The following RACGAP1 variants were observed in gnomAD, a reference collection of about 807,000 sequenced individuals.
The protein encoded by RACGAP1 is Rac GTPase activating protein 1, also known as rac GTPase-activating protein 1.
RACGAP1 carries 30 observed loss-of-function variants against 78.1 expected under a neutral mutation model. The observed-to-expected ratio is 0.38, with a 90% CI of 0.29 to 0.52. The LOEUF (loss-of-function observed/expected upper bound fraction) is 0.52, where lower values mean the gene tolerates loss of function less well. Ranked by LOEUF, RACGAP1 falls within the 20% of genes least tolerant of loss-of-function variation. The probability of loss-of-function intolerance (pLI) is 0.82; values close to 1 mark genes in which losing one functional copy is unlikely to be tolerated. For synonymous variants in RACGAP1, 231 were observed against 264.8 expected (o/e 0.87, Z 1.24); for missense variants, 587 against 777.1 (o/e 0.76, Z 2.91).
intron 2 of RACGAP1, among the ~76,000 whole-genome samples, chr12:50,015,104 T>G (rs1171649456): frequency 6.7e-6 from 1 of 149,574 alleles, no homozygotes; most frequent in African/African-American, 2.5e-5. Flanking sequence ...GGTCTCAAAC[T>G]CCTGGACTCA....
intron 1 of RACGAP1, 177 bp downstream of exon 1, chr12:50,025,221 C>T (rs1258651738): frequency 3.6e-6 from 3 of 837,022 alleles, no homozygotes; most frequent in Non-Finnish European, 4.3e-6. Context: ...CGCGTCCATT[C>T]GACCTGCCAC....
chr12:50,011,346 A>AG (rs1335330810), intron 2 of RACGAP1, among the ~76,000 whole-genome samples: 8 of 151,858 alleles, frequency 5.3e-5, no homozygotes, highest in Non-Finnish European at 8.8e-5. Flanking sequence ...AAAAAAAAAA[A>AG]AAAAGAAAAA....
chr12:50,030,260 G>T (rs1468986738), upstream of RACGAP1, among the ~76,000 whole-genome samples: 1 of 149,858 alleles, frequency 6.7e-6, no homozygotes, highest in Non-Finnish European at 1.5e-5. Flanking sequence ...GAGGCAGGAG[G>T]ATCACTTGAG....
intron 8 of RACGAP1, 95 bp from the exon 9 acceptor site, chr12:49,999,366 G>T: frequency 1.4e-6 from 2 of 1,449,164 alleles, no homozygotes; most frequent in Non-Finnish European, 1.9e-6. Context: ...ACAGTAATCT[G>T]TTATCATAGC....
chr12:50,030,780 T>G (rs1950325506), intron 2 of RACGAP1, among the ~76,000 whole-genome samples: 1 of 150,722 alleles, frequency 6.6e-6, no homozygotes, highest in African/African-American at 2.4e-5. Flanking sequence ...TTTATGTCTT[T>G]TGTGTGTGTG....
intron 10 of RACGAP1, 132 bp from the exon 11 acceptor site, chr12:49,994,641 C>A: frequency 7.3e-7 from 1 of 1,367,224 alleles, no homozygotes; most frequent in Admixed American, 2.8e-5. Flanking sequence ...TTCCTATTCC[C>A]AAAGCATATA....
At chr12:50,000,248 C>T (rs1279048376) in intron 7 of RACGAP1, among the ~76,000 whole-genome samples, 2 of 151,874 alleles carry the variant, frequency 1.3e-5, no homozygotes, top group Admixed American at 6.6e-5. Flanking sequence ...CTCCTGACCT[C>T]GTGATCCACC....
At chr12:49,990,621 A>C in intron 16 of RACGAP1, 63 bp downstream of exon 16, 1 of 1,324,114 alleles carries the variant, frequency 7.6e-7, no homozygotes, top group East Asian at 2.3e-5. Flanking sequence ...ATAAGCTTCA[A>C]TATAATAAGA....
chr12:49,991,457 TTA>T (rs59257280), intron 15 of RACGAP1, among the ~76,000 whole-genome samples: 927 of 27,402 alleles, frequency 0.034, 63 homozygotes, highest in Middle Eastern at 0.094. Flanking sequence ...ATTTAAACTA[TTA>T]TATATATATA....
At chr12:50,016,266 C>T (rs1329949651) in intron 2 of RACGAP1, among the ~76,000 whole-genome samples, 1 of 152,000 alleles carries the variant, frequency 6.6e-6, no homozygotes, top group East Asian at 1.9e-4. Context: ...GTCTGTAATC[C>T]CTGCTACTCG....
Position 49,999,381 on chromosome 12 carries a change from AG to A in RACGAP1, c.749-111del, listed in dbSNP as rs878897517. ...ACAGTAATCTGTTATCATAGCCAAAAGTGAGAACTAATGGCTATGTAAAAAA... is the reference window on the plus strand; with the variant it reads ...ACAGTAATCTGTTATCATAGCCAAAATGAGAACTAATGGCTATGTAAAAAA... On this transcript the variant is annotated intron_variant, in intron 8 of 16. Coordinates refer to ENST00000312377, the MANE Select transcript of RACGAP1 (RefSeq NM_001319999.2). The A allele has an allele frequency of 6.6e-5, 89 of 1,358,690 alleles. 1 individual carries two copies. The South Asian group carries it at 1.2e-3, about 18-fold the overall frequency. The allele number at this position is 1,358,690 out of a possible 1,614,324, so 84.2% of individuals were successfully genotyped here.
upstream of RACGAP1, among the ~76,000 whole-genome samples, chr12:50,026,349 T>TA (rs59207359): frequency 6.0e-4 from 85 of 142,500 alleles, no homozygotes; most frequent in East Asian, 8.0e-4. Context: ...GTCCTTAATT[T>TA]AAAAAAAAAA....
chr12:49,992,268 G>C lies in RACGAP1; in HGVS notation c.1555C>G (p.Gln519Glu), dbSNP rs1276712121. 6.2e-7 allele frequency: 1 copy of C among 1,613,996 alleles called. No individual in the cohort carries two copies. The highest frequency in any genetic ancestry group is 2.2e-5 in the East Asian group (1 of 44,890). Residue 519 changes from glutamine (Q) to glutamate (E), a missense_variant, in exon 14 of 17, where the codon CAG (glutamine) becomes GAG (glutamate). Transcript: ENST00000312377. The part of the protein sequence containing the change: ...VPNPDPVTML[Q>E]DIKRQPKVVE... ...ACCTTGGGTTGACGCTTGATGTCCT[G>C]TAACATTGTCACTGGGTCTGGATTG...
intron 10 of RACGAP1, among the ~76,000 whole-genome samples, chr12:49,996,107 T>C (rs1340555997): frequency 4.9e-5 from 7 of 144,278 alleles, no homozygotes; most frequent in South Asian, 2.2e-4. Flanking sequence ...AGGTCAGGAG[T>C]TCAAGACCAG....
intron 9 of RACGAP1, among the ~76,000 whole-genome samples, chr12:49,997,784 G>T (rs954015120): frequency 4.0e-5 from 6 of 150,824 alleles, no homozygotes; most frequent in African/African-American, 1.5e-4. Context: ...CTCCATGTTG[G>T]TCAGGCTGGT....
intron 7 of RACGAP1, among the ~76,000 whole-genome samples, chr12:50,000,727 T>A (rs11832146): frequency 6.6e-6 from 1 of 152,120 alleles, no homozygotes; most frequent in African/African-American, 2.4e-5. Flanking sequence ...ATTCCATTCA[T>A]AGGGATAAGG....
chr12:50,006,563 T>C lies in RACGAP1; in HGVS notation c.159A>G (p.Lys53=). 6.2e-7 allele frequency: 1 copy of C among 1,614,194 alleles called. No individual in the cohort carries two copies. Among genetic ancestry groups the C allele is most frequent in the Non-Finnish European group, 8.5e-7 (1 of 1,180,026 alleles). ...KWQRTDHELG[K]YKDLLMKAET... ...CTGCTTTCATCAAAAGATCCTTGTATTTCCCCAGCTCATGGTCAGTCCTCT... is the reference window on the plus strand; with the variant it reads ...CTGCTTTCATCAAAAGATCCTTGTACTTCCCCAGCTCATGGTCAGTCCTCT... Residue 53 remains lysine, a synonymous_variant, in exon 3 of 17, where the codon AAA becomes AAG. Transcript: ENST00000312377.
In RACGAP1 at chr12:49,990,062, A is replaced by G; in HGVS notation, c.*206T>C. The stretch of plus-strand genomic sequence containing the variant: ...CATCTAAAAGCTCCCAACAATGACC[A>G]GCACAAAGTGCTGATATTATGTGAC... On this transcript the variant is annotated 3_prime_UTR_variant, in exon 17 of 17. Transcript: ENST00000312377. 1 of 452,918 alleles carries G rather than the reference A, an allele frequency of 2.2e-6. No individual in the cohort carries two copies. The highest frequency in any genetic ancestry group is 3.9e-6 in the Non-Finnish European group (1 of 253,434). The allele number at this position is 452,918 out of a possible 1,614,324, so 28.1% of individuals were successfully genotyped here. A position where few individuals can be genotyped will look rare whatever the true frequency, so the allele number is the denominator to read the frequency against.
chr12:50,019,724 A>AAATAAATT (rs766196631), intron 1 of RACGAP1: 2 of 149,828 alleles, frequency 1.3e-5, no homozygotes, highest in South Asian at 2.1e-4. Flanking sequence ...ATAAATAAAT[A>AAATAAATT]AAAAGGTCCT....
Sources: gnomAD v4.1 joint callset for allele counts (sites outside exome capture counted in the v4.1 genomes callset) on GRCh38, gnomAD v4.1.1 for gene constraint, MANE v1.5 for transcripts, NCBI Gene and HGNC (gene_info 2026-07-23, HGNC 2026-07-21) for gene names.